Variants in CDC14A observed in about 807,000 individuals in gnomAD.
CDC14A encodes dual specificity protein phosphatase CDC14A.
A neutral mutation model predicts 74.4 loss-of-function variants in CDC14A; 53 were observed. The ratio of observed to expected loss-of-function variants is 0.71; its 90% CI spans 0.57 to 0.89. The LOEUF is 0.89. Ranked by LOEUF, CDC14A falls within the 40% of genes least tolerant of loss-of-function variation. The pLI is 0.00. For missense variants in CDC14A, 646 were observed against 713.7 expected, an observed-to-expected ratio of 0.91 and a Z score of 1.08; for synonymous variants, 247 against 258.4, an observed-to-expected ratio of 0.96 and a Z score of 0.43.
intron 3 of CDC14A, among the ~76,000 whole-genome samples, chr1:100,382,217 T>TC (rs1656225951): frequency 6.9e-6 from 1 of 145,564 alleles, no homozygotes; most frequent in Non-Finnish European, 1.5e-5. Flanking sequence ...TATTCTTTTT[T>TC]TTTTTTTTTT....
intron 7 of CDC14A, among the ~76,000 whole-genome samples, chr1:100,451,712 C>T (rs753359333): frequency 2.0e-5 from 3 of 152,128 alleles, no homozygotes; most frequent in African/African-American, 7.2e-5. Flanking sequence ...CTTTTAGTAT[C>T]GCATGTTCAA....
At chr1:100,426,734 G>A (rs6677120) in intron 5 of CDC14A, among the ~76,000 whole-genome samples, 1,926 of 152,154 alleles carry the variant, frequency 0.013, 40 homozygotes, top group African/African-American at 0.044. Flanking sequence ...CTTTATGCAC[G>A]TATAAGTAAA....
chr1:100,382,390 AT>A (rs59014809), intron 3 of CDC14A, among the ~76,000 whole-genome samples: 16,010 of 115,264 alleles, frequency 0.14, 2,469 homozygotes, highest in African/African-American at 0.41. Flanking sequence ...CCAGCTAACT[AT>A]TTTTTTTTTT....
intron 9 of CDC14A, among the ~76,000 whole-genome samples, chr1:100,464,075 T>C (rs1667571952): frequency 6.6e-6 from 1 of 152,226 alleles, no homozygotes; most frequent in Non-Finnish European, 1.5e-5. Flanking sequence ...TGCCGTTTTG[T>C]AGGCCCTTGT....
intron 3 of CDC14A, among the ~76,000 whole-genome samples, chr1:100,385,088 T>C (rs1175393894): frequency 4.6e-5 from 7 of 152,242 alleles, no homozygotes; most frequent in African/African-American, 1.7e-4. Context: ...TTTTGTAAAA[T>C]GCTTTTAAAA....
chr1:100,382,652 T>C (rs1161748544), intron 3 of CDC14A, among the ~76,000 whole-genome samples: 2 of 152,018 alleles, frequency 1.3e-5, no homozygotes, highest in African/African-American at 2.4e-5. Flanking sequence ...GTGGTTTTTC[T>C]TTTTTTTAAT....
At chr1:100,491,540 CTCTCTCTCTATA>C (rs1424165754) in intron 11 of CDC14A, among the ~76,000 whole-genome samples, 41 of 40,244 alleles carry the variant, frequency 1.0e-3, no homozygotes, top group African/African-American at 3.3e-3. Flanking sequence ...CTCTCTCTCT[CTCTCTCTCTATA>C]TATATATATA....
chr1:100,498,943 C>A lies in CDC14A; in HGVS notation c.1436C>A (p.Ser479Tyr), dbSNP rs771079139. The change falls in exon 15 of 16, where the codon TCC becomes TAC. Residue 479 changes from serine to tyrosine, a missense_variant. Transcript: ENST00000336454. ...TTTCCATTCAGCTTTTCCATAAACT[C>A]CCGGCTAGCCAGTTCTCTAGGGAAC... ...GATVRSFSIN[S>Y]RLASSLGNLN... The A allele has an allele frequency of 2.4e-5, 38 of 1,610,490 alleles. No individual in the cohort carries two copies. The highest frequency in any genetic ancestry group is 3.3e-4 in the Middle Eastern group (2 of 6,058).
intron 2 of CDC14A, among the ~76,000 whole-genome samples, chr1:100,362,477 T>C (rs1652884490): frequency 6.6e-6 from 1 of 152,196 alleles, no homozygotes; most frequent in Non-Finnish European, 1.5e-5. Context: ...AAAATCACCA[T>C]AAATGTCTCT....
chr1:100,496,458 C>T (rs376976884), intron 13 of CDC14A, among the ~76,000 whole-genome samples: 1 of 152,048 alleles, frequency 6.6e-6, no homozygotes. Flanking sequence ...ATTTTCTAGT[C>T]TTATTTTCTT....
At chr1:100,348,086 A>G (rs1008264245), upstream of CDC14A, among the ~76,000 whole-genome samples, 2 of 152,150 alleles carry the variant, frequency 1.3e-5, no homozygotes, top group East Asian at 1.9e-4. Context: ...GATCGAGACC[A>G]TCCTGGCCAA....
chr1:100,373,385 T>C (rs756238433), intron 2 of CDC14A, among the ~76,000 whole-genome samples: 1 of 152,200 alleles, frequency 6.6e-6, no homozygotes, highest in African/African-American at 2.4e-5. Context: ...ACAGTAGTAA[T>C]ATCAAAGATC....
chr1:100,353,904 A>G, intron 2 of CDC14A, 52 bp downstream of exon 2: 1 of 979,630 alleles, frequency 1.0e-6, no homozygotes, highest in Non-Finnish European at 1.6e-6. Context: ...TTGTTCTTTG[A>G]CGAGGAAACA....
chr1:100,484,145 A>C, intron 10 of CDC14A, 147 bp from the exon 11 acceptor site: 1 of 471,728 alleles, frequency 2.1e-6, no homozygotes, highest in Non-Finnish European at 3.6e-6. Context: ...TCTTTATTCT[A>C]AGATATCATA....
chr1:100,485,239 A>G (rs1416574147), intron 11 of CDC14A: 3 of 985,326 alleles, frequency 3.0e-6, no homozygotes, highest in South Asian at 4.7e-5. Flanking sequence ...TGATTTGTGT[A>G]AAGTTCCAGG....
At chr1:100,424,053 G>A (rs1571153856) in intron 4 of CDC14A, 169 bp from the exon 5 acceptor site, 3 of 575,804 alleles carry the variant, frequency 5.2e-6, no homozygotes, top group Middle Eastern at 9.5e-4. Flanking sequence ...AGGCTGCTGC[G>A]CAGCTTCATG....
In CDC14A at chr1:100,382,767, A is replaced by G. The variant is rs146547512; in HGVS notation, c.216+5146A>G. Among the ~76,000 whole-genome samples, 664 of 152,344 alleles carry G rather than the reference A, an allele frequency of 4.4e-3. 2 individuals carry two copies. Among genetic ancestry groups the G allele is most frequent in the East Asian group, 0.014 (74 of 5,182 alleles). ...AAATGTAATTTTAAATTTACAAAAC[A>G]TCCCATATAGCCCTTTCAGGGTAAA... On this transcript the variant is annotated intron_variant, in intron 3 of 15. Transcript: ENST00000336454.
chr1:100,420,070 A>ATT (rs1553180589), intron 4 of CDC14A, among the ~76,000 whole-genome samples: 16,848 of 111,906 alleles, frequency 0.15, 4,098 homozygotes, highest in African/African-American at 0.46. Flanking sequence ...ACACATATAT[A>ATT]TATATATATA....
intron 15 of CDC14A, among the ~76,000 whole-genome samples, chr1:100,517,202 A>G (rs1650304362): frequency 6.6e-6 from 1 of 152,212 alleles, no homozygotes; most frequent in Admixed American, 6.5e-5. Context: ...CTGAGAAAAG[A>G]TAGCTTGAAT....
Sources: allele counts gnomAD v4.1 joint callset (sites outside exome capture counted in the v4.1 genomes callset), GRCh38; gene constraint gnomAD v4.1.1; transcripts MANE v1.5; gene names NCBI Gene and HGNC (gene_info 2026-07-23, HGNC 2026-07-21).